The following PTPRD variants were observed in gnomAD, a reference collection of about 807,000 sequenced individuals.
PTPRD encodes the protein protein tyrosine phosphatase receptor type D, also known as receptor-type tyrosine-protein phosphatase delta.
A neutral mutation model predicts 214.5 loss-of-function variants in PTPRD; 34 were observed. The ratio of observed to expected loss-of-function variants is 0.16; its 90% CI spans 0.12 to 0.21. The LOEUF (loss-of-function observed/expected upper bound fraction) is 0.21. PTPRD is among the 10% of genes least tolerant of loss of function. The probability of loss-of-function intolerance (pLI) is 1.00; values close to 1 mark genes in which losing one functional copy is unlikely to be tolerated. For synonymous variants in PTPRD, 1,128 were observed against 845.7 expected, an observed-to-expected ratio of 1.33 and a Z score of -5.79; for missense variants, 2,545 against 2,398.7, an observed-to-expected ratio of 1.06 and a Z score of -1.27.
intron 5 of PTPRD, among the ~76,000 whole-genome samples, chr9:9,836,647 C>T (rs1260540482): frequency 6.6e-6 from 1 of 152,116 alleles, no homozygotes; most frequent in Non-Finnish European, 1.5e-5. Flanking sequence ...AAACTGTGTG[C>T]TTCTATGGAG....
chr9:10,139,096 C>T (rs945639209), intron 3 of PTPRD, among the ~76,000 whole-genome samples: 1 of 151,980 alleles, frequency 6.6e-6, no homozygotes, highest in Admixed American at 6.6e-5. Context: ...AAGAAGAAGT[C>T]AAACTATCTT....
chr9:8,333,453 T>A (rs1172178457), intron 43 of PTPRD, among the ~76,000 whole-genome samples: 1 of 152,202 alleles, frequency 6.6e-6, no homozygotes, highest in Middle Eastern at 3.2e-3. Flanking sequence ...CCAGCCAAAT[T>A]AAGCTTCATA....
At chr9:8,767,881 G>A (rs1055400816) in intron 11 of PTPRD, among the ~76,000 whole-genome samples, 2 of 152,136 alleles carry the variant, frequency 1.3e-5, no homozygotes, top group Non-Finnish European at 2.9e-5. Flanking sequence ...AAGACCCACT[G>A]CTGTGTATGG....
chr9:10,467,498 A>G (rs2099002484), intron 2 of PTPRD, among the ~76,000 whole-genome samples: 1 of 152,222 alleles, frequency 6.6e-6, no homozygotes. Flanking sequence ...ACAGATTTTA[A>G]TAGACACTCC....
chr9:9,745,317 A>T (rs1030501971), intron 6 of PTPRD, among the ~76,000 whole-genome samples: 1 of 152,144 alleles, frequency 6.6e-6, no homozygotes, highest in African/African-American at 2.4e-5. Context: ...TTTCAAGGAA[A>T]AATTCAGTAA....
At chr9:9,242,440 T>C (rs932622798) in intron 9 of PTPRD, among the ~76,000 whole-genome samples, 3 of 152,198 alleles carry the variant, frequency 2.0e-5, no homozygotes, top group Non-Finnish European at 2.9e-5. Flanking sequence ...TGCAGAGTGT[T>C]TTCCAACTTG....
At chr9:9,785,684 A>G (rs927581122) in intron 5 of PTPRD, among the ~76,000 whole-genome samples, 1 of 152,120 alleles carries the variant, frequency 6.6e-6, no homozygotes, top group Admixed American at 6.5e-5. Context: ...CTGGAACAGA[A>G]AAAGAATATT....
rs192863050 is a variant in PTPRD, at chr9:9,386,652, T to A, written c.-203+10797A>T. 1.5e-3 allele frequency among the ~76,000 whole-genome samples: 228 copies of A among 152,288 alleles called. 1 individual carries two copies. The highest frequency in any genetic ancestry group is 5.1e-3 in the African/African-American group (212 of 41,568). ...AGCAAAATATGAGGAAAAATTAAAATATTTCCTAATTTTCTAAAAATTAAA... is the reference window on the plus strand; with the variant it reads ...AGCAAAATATGAGGAAAAATTAAAAAATTTCCTAATTTTCTAAAAATTAAA... On this transcript the variant is annotated intron_variant, in intron 9 of 45. Transcript: ENST00000381196.
At chr9:9,528,841 A>G (rs1480648113) in intron 8 of PTPRD, among the ~76,000 whole-genome samples, 7 of 152,054 alleles carry the variant, frequency 4.6e-5, no homozygotes, top group Non-Finnish European at 5.9e-5. Context: ...TCCATCATTC[A>G]AGAATTTTTT....
intron 12 of PTPRD, among the ~76,000 whole-genome samples, chr9:8,693,126 G>A (rs529610897): frequency 4.6e-5 from 7 of 152,164 alleles, no homozygotes; most frequent in Non-Finnish European, 8.8e-5. Context: ...ATACTTGCTC[G>A]TGTCCTTTGC....
At chr9:8,600,488 G>C (rs1594947039) in intron 14 of PTPRD, among the ~76,000 whole-genome samples, 1 of 151,890 alleles carries the variant, frequency 6.6e-6, no homozygotes, top group South Asian at 2.1e-4. Context: ...AAAGCTCACA[G>C]CTCTAAAAGA....
chr9:9,021,263 G>A (rs549931517), intron 10 of PTPRD, among the ~76,000 whole-genome samples: 68 of 152,272 alleles, frequency 4.5e-4, no homozygotes, highest in African/African-American at 1.6e-3. Flanking sequence ...GGTTTCGTAA[G>A]CTTATAACAG....
intron 11 of PTPRD, among the ~76,000 whole-genome samples, chr9:8,830,607 G>C (rs2097268338): frequency 1.3e-5 from 2 of 152,228 alleles, no homozygotes; most frequent in South Asian, 4.1e-4. Context: ...CCCCCAGTGA[G>C]GAGTGTGCAG....
chr9:8,346,228 T>TC (rs1857489892), intron 39 of PTPRD, among the ~76,000 whole-genome samples: 1 of 152,016 alleles, frequency 6.6e-6, no homozygotes, highest in Non-Finnish European at 1.5e-5. Context: ...TATCTTCAAC[T>TC]CCCCATCAGT....
intron 7 of PTPRD, among the ~76,000 whole-genome samples, chr9:9,654,318 A>C (rs1389247726): frequency 6.6e-6 from 1 of 152,174 alleles, no homozygotes; most frequent in Non-Finnish European, 1.5e-5. Flanking sequence ...CTTCTTATAA[A>C]AAGTTTAATG....
chr9:9,797,328 T>G (rs1299765605), intron 5 of PTPRD, among the ~76,000 whole-genome samples: 1 of 149,834 alleles, frequency 6.7e-6, no homozygotes, highest in East Asian at 1.9e-4. Context: ...AAAAATTAAA[T>G]TATTTTATAA....
intron 8 of PTPRD, among the ~76,000 whole-genome samples, chr9:9,491,492 T>C (rs2095895086): frequency 6.6e-6 from 1 of 151,716 alleles, no homozygotes; most frequent in Non-Finnish European, 1.5e-5. Flanking sequence ...GCATAAACTT[T>C]CTTCTCAAGA....
intron 10 of PTPRD, among the ~76,000 whole-genome samples, chr9:9,043,285 T>G (rs1446565920): frequency 6.6e-6 from 1 of 152,198 alleles, no homozygotes; most frequent in Non-Finnish European, 1.5e-5. Context: ...TTATATTAAC[T>G]GTAGGTCATT....
At chr9:10,119,638 G>T (rs2098758984) in intron 3 of PTPRD, among the ~76,000 whole-genome samples, 1 of 151,878 alleles carries the variant, frequency 6.6e-6, no homozygotes, top group South Asian at 2.1e-4. Flanking sequence ...TGATAAAGCT[G>T]GTTGTGATAA....
Sources: allele counts gnomAD v4.1 joint callset (sites outside exome capture counted in the v4.1 genomes callset), GRCh38; gene constraint gnomAD v4.1.1; transcripts MANE v1.5; gene names NCBI Gene and HGNC (gene_info 2026-07-23, HGNC 2026-07-21).